Variants in ADGRB3 observed in about 807,000 individuals in gnomAD.
ADGRB3 encodes the protein brain-specific angiogenesis inhibitor 3.
Under a neutral mutation model 193.4 loss-of-function variants are expected in ADGRB3, and 37 were observed. The observed-to-expected ratio is 0.19, with a 90% CI of 0.15 to 0.25. The LOEUF (loss-of-function observed/expected upper bound fraction) is 0.25. ADGRB3 is among the 10% of genes least tolerant of loss of function. The pLI is 1.00. For missense variants in ADGRB3, 1,637 were observed against 1,852.9 expected, an observed-to-expected ratio of 0.88 and a Z score of 2.14; for synonymous variants, 690 against 644.2, an observed-to-expected ratio of 1.07 and a Z score of -1.08.
intron 17 of ADGRB3, among the ~76,000 whole-genome samples, chr6:69,164,826 G>A (rs1023058231): frequency 2.0e-5 from 3 of 152,076 alleles, no homozygotes; most frequent in African/African-American, 4.8e-5. Flanking sequence ...ATTTTCCATT[G>A]TCTGTTTTCT....
intron 3 of ADGRB3, among the ~76,000 whole-genome samples, chr6:68,809,420 T>C (rs1244036573): frequency 6.6e-6 from 1 of 152,232 alleles, no homozygotes; most frequent in Non-Finnish European, 1.5e-5. Flanking sequence ...GATGTTGGAA[T>C]GTATTTTGCC....
intron 10 of ADGRB3, among the ~76,000 whole-genome samples, chr6:68,982,246 T>C (rs1274921071): frequency 6.6e-6 from 1 of 152,148 alleles, no homozygotes; most frequent in Non-Finnish European, 1.5e-5. Context: ...CGGTAATATT[T>C]TATTGAATGT....
chr6:69,179,884 T>G (rs1582523282), intron 17 of ADGRB3, among the ~76,000 whole-genome samples: 1 of 152,220 alleles, frequency 6.6e-6, no homozygotes, highest in South Asian at 2.1e-4. Context: ...CCTTGTTTAC[T>G]TGGAGAACCT....
intron 20 of ADGRB3, among the ~76,000 whole-genome samples, chr6:69,244,198 A>T (rs1766442906): frequency 6.6e-6 from 1 of 152,062 alleles, no homozygotes; most frequent in South Asian, 2.1e-4. Flanking sequence ...AAGCACTTTT[A>T]AAAGTCCCGT....
rs1767987352 is a variant in ADGRB3 at position 68,637,579 on chromosome 6, A to G, written c.-16+17A>G. The stretch of plus-strand genomic sequence containing the variant: ...CTTACAGAGGTAAATATAACCAAGG[A>G]CTACTTTATTATCCAAAGCCAGGGT... On this transcript the variant is annotated intron_variant, in intron 2 of 31. Coordinates refer to ENST00000370598, the MANE Select transcript of ADGRB3 (RefSeq NM_001704.3). 6.6e-6 allele frequency: 1 copy of G among 152,646 alleles called. No individual in the cohort carries two copies. Among genetic ancestry groups the G allele is most frequent in the African/African-American group, 2.4e-5 (1 of 41,456 alleles). The allele number at this position is 152,646 out of a possible 1,614,324, so 9.5% of individuals were successfully genotyped here.
chr6:68,822,452 T>C (rs1767764433), intron 3 of ADGRB3, among the ~76,000 whole-genome samples: 1 of 151,992 alleles, frequency 6.6e-6, no homozygotes, highest in Non-Finnish European at 1.5e-5. Flanking sequence ...TTTGTTCCAC[T>C]TGAAATACCT....
chr6:69,088,270 T>C (rs1372235592), intron 17 of ADGRB3, among the ~76,000 whole-genome samples: 4 of 152,236 alleles, frequency 2.6e-5, no homozygotes, highest in Non-Finnish European at 5.9e-5. Flanking sequence ...AGTGTCAAGT[T>C]TTATGTATCA....
chr6:69,200,149 ACT>A (rs1765390056), intron 17 of ADGRB3, among the ~76,000 whole-genome samples: 3 of 151,638 alleles, frequency 2.0e-5, no homozygotes, highest in Admixed American at 6.6e-5. Flanking sequence ...AACAGAGAAA[ACT>A]CTATTGGGTC....
intron 3 of ADGRB3, among the ~76,000 whole-genome samples, chr6:68,705,911 C>T (rs1765319078): frequency 6.6e-6 from 1 of 152,108 alleles, no homozygotes; most frequent in Non-Finnish European, 1.5e-5. Context: ...GTGATTCTGG[C>T]TAACCCAGCT....
At chr6:69,246,112 G>A (rs999608958) in intron 20 of ADGRB3, among the ~76,000 whole-genome samples, 5 of 151,994 alleles carry the variant, frequency 3.3e-5, no homozygotes, top group Admixed American at 3.3e-4. Flanking sequence ...TTTTAGTTAA[G>A]GAAATGCTGA....
chr6:68,836,701 A>G (rs944959949), intron 3 of ADGRB3, among the ~76,000 whole-genome samples: 7 of 152,134 alleles, frequency 4.6e-5, no homozygotes, highest in Admixed American at 3.9e-4. Context: ...TTAGAAGTGA[A>G]ACGTTGGCTG....
rs537150251 is a variant in ADGRB3 at position 69,338,714 on chromosome 6, A to G, written c.3189-202A>G. On this transcript the variant is annotated intron_variant, in intron 24 of 31. Transcript: ENST00000370598. ...AATGATGGAAATATGTTTTGCATGC[A>G]ACAAAGGCCCATATTAAAAGGTAAA... 3.3e-5 allele frequency among the ~76,000 whole-genome samples: 5 copies of G among 152,370 alleles called. No individual in the cohort carries two copies. The South Asian group carries it at 1.0e-3, about 32-fold the overall frequency.
intron 17 of ADGRB3, among the ~76,000 whole-genome samples, chr6:69,217,024 A>G (rs761996822): frequency 1.3e-4 from 20 of 152,202 alleles, no homozygotes; most frequent in Admixed American, 9.8e-4. Context: ...TTTAGGAGGC[A>G]TGATTCTTAT....
intron 3 of ADGRB3, among the ~76,000 whole-genome samples, chr6:68,716,030 A>G (rs901058045): frequency 6.6e-6 from 1 of 151,750 alleles, no homozygotes; most frequent in Non-Finnish European, 1.5e-5. Flanking sequence ...TTGTCTTATC[A>G]AGACTGGCAT....
intron 17 of ADGRB3, among the ~76,000 whole-genome samples, chr6:69,097,959 G>C (rs531337273): frequency 2.0e-5 from 3 of 152,182 alleles, no homozygotes; most frequent in South Asian, 4.1e-4. Flanking sequence ...ATATTCTGTG[G>C]CTCTATTTAC....
At chr6:69,383,856 T>C (rs1770005372) in intron 31 of ADGRB3, among the ~76,000 whole-genome samples, 2 of 152,010 alleles carry the variant, frequency 1.3e-5, no homozygotes, top group Non-Finnish European at 2.9e-5. Flanking sequence ...TATGGGGCTC[T>C]TTCTTTGCCT....
At chr6:69,315,102 C>T (rs1299613783) in intron 20 of ADGRB3, among the ~76,000 whole-genome samples, 2 of 151,434 alleles carry the variant, frequency 1.3e-5, no homozygotes, top group East Asian at 3.9e-4. Context: ...ATTTGTCACA[C>T]ACATACTTTT....
chr6:68,917,544 G>A (rs892930551), intron 3 of ADGRB3, among the ~76,000 whole-genome samples: 1 of 151,994 alleles, frequency 6.6e-6, no homozygotes, highest in Non-Finnish European at 1.5e-5. Flanking sequence ...ATTTCTGTTA[G>A]AATCTATGTG....
intron 8 of ADGRB3, among the ~76,000 whole-genome samples, chr6:68,960,441 G>C (rs1768200498): frequency 6.6e-6 from 1 of 152,082 alleles, no homozygotes; most frequent in Admixed American, 6.6e-5. Context: ...AATTTGTCTT[G>C]AACACTGTAA....
Sources: gnomAD v4.1 joint callset for allele counts (sites outside exome capture counted in the v4.1 genomes callset) on GRCh38, gnomAD v4.1.1 for gene constraint, MANE v1.5 for transcripts, NCBI Gene and HGNC (gene_info 2026-07-23, HGNC 2026-07-21) for gene names.